The following RDX variants were observed in gnomAD, a reference collection of about 807,000 sequenced individuals.
RDX encodes the protein deafness, autosomal recessive 24.
RDX carries 32 observed loss-of-function variants against 83.7 expected under a neutral mutation model. The ratio of observed to expected loss-of-function variants is 0.38; its 90% CI spans 0.29 to 0.51. The LOEUF (loss-of-function observed/expected upper bound fraction) is 0.51, where lower values mean the gene tolerates loss of function less well. Ranked by LOEUF, RDX falls within the 20% of genes least tolerant of loss-of-function variation. The pLI is 0.87. For synonymous variants in RDX, 229 were observed against 222.7 expected, an observed-to-expected ratio of 1.03 and a Z score of -0.25; for missense variants, 600 against 689.9, an observed-to-expected ratio of 0.87 and a Z score of 1.46.
intron 15 of RDX, among the ~76,000 whole-genome samples, chr11:110,177,568 T>A (rs1481649412): frequency 6.6e-6 from 1 of 152,144 alleles, no homozygotes; most frequent in East Asian, 1.9e-4. Context: ...TAGATCTCAC[T>A]TTCATCACCT....
intron 3 of RDX, among the ~76,000 whole-genome samples, chr11:110,270,539 A>G (rs1860261134): frequency 2.0e-5 from 3 of 152,230 alleles, no homozygotes; most frequent in Admixed American, 2.0e-4. Flanking sequence ...ATACTGTTCT[A>G]CGCACTTTAC....
intron 1 of RDX, among the ~76,000 whole-genome samples, chr11:110,293,124 A>G (rs756314729): frequency 6.6e-6 from 1 of 152,256 alleles, no homozygotes; most frequent in Non-Finnish European, 1.5e-5. Flanking sequence ...CAAGTTAATA[A>G]GCATCCTTTC....
intron 14 of RDX, among the ~76,000 whole-genome samples, chr11:110,213,042 A>G (rs1863899534): frequency 6.7e-6 from 1 of 149,944 alleles, no homozygotes; most frequent in South Asian, 2.1e-4. Flanking sequence ...GAGGAAGTCA[A>G]ATTGTCCCTG....
chr11:110,211,183 C>T (rs1863822625), intron 14 of RDX, among the ~76,000 whole-genome samples: 1 of 152,152 alleles, frequency 6.6e-6, no homozygotes, highest in Non-Finnish European at 1.5e-5. Flanking sequence ...GCAGGGGTTG[C>T]AATCCTAGTC....
rs527519791 is a variant in RDX, at chr11:110,201,490, G to A, written c.1749-1812C>T. 4.6e-5 allele frequency among the ~76,000 whole-genome samples: 7 copies of A among 152,228 alleles called. No individual in the cohort carries two copies. In the East Asian group the frequency reaches 9.7e-4, roughly 21 times the overall value. On this transcript the variant is annotated intron_variant, in intron 14 of 15. Transcript: ENST00000528498. Reference sequence around the variant, plus strand: ...AACAGGGAAAGAAAGGTGAAGAGACGTCAGAAATTTCCAAGCTTTGCCACC... The same window carrying A: ...AACAGGGAAAGAAAGGTGAAGAGACATCAGAAATTTCCAAGCTTTGCCACC...
intron 1 of RDX, among the ~76,000 whole-genome samples, chr11:110,295,642 GAAAAA>G (rs370760081): frequency 8.2e-6 from 1 of 122,256 alleles, no homozygotes; most frequent in Admixed American, 8.3e-5. Context: ...TGTTTAAACT[GAAAAA>G]AAAAAAAAAA....
At chr11:110,286,720 A>T (rs187122152) in intron 1 of RDX, among the ~76,000 whole-genome samples, 1 of 152,356 alleles carries the variant, frequency 6.6e-6, no homozygotes, top group Non-Finnish European at 1.5e-5. Context: ...AAATATTCCA[A>T]GAGAACTCAT....
chr11:110,295,824 G>A (rs1435878103), intron 1 of RDX, among the ~76,000 whole-genome samples: 1 of 152,234 alleles, frequency 6.6e-6, no homozygotes, highest in African/African-American at 2.4e-5. Flanking sequence ...AGCTGCAACA[G>A]CAGCAGGTAG....
intron 15 of RDX, chr11:110,180,010 T>A (rs759840972): frequency 2.1e-5 from 7 of 332,276 alleles, no homozygotes; most frequent in Non-Finnish European, 3.5e-5. Flanking sequence ...CAAGCGATTC[T>A]CCTGCCTCAG....
Position 110,247,781 on chromosome 11 carries a change from C to A in RDX, c.1012G>T (p.Glu338Ter). Reference sequence around the variant, plus strand: ...TCTTCCTTTTCACGTTCTATTCTTTCCTTTTCCTTTTCTGCTATTTCTCTT... The same window carrying A: ...TCTTCCTTTTCACGTTCTATTCTTTACTTTTCCTTTTCTGCTATTTCTCTT... ...KKREIAEKEK[E>*]RIEREKEELM... The change falls in exon 10 of 14, where the codon GAA (glutamate) becomes TAA (stop). Residue 338 changes from glutamate to a stop codon, truncating the protein, a stop_gained. Coordinates refer to ENST00000645495, the MANE Select transcript of RDX (RefSeq NM_002906.4). LOFTEE classifies it high-confidence loss of function. 1 of 1,602,018 alleles carries A rather than the reference C, an allele frequency of 6.2e-7. No individual in the cohort carries two copies. The highest frequency in any genetic ancestry group is 8.5e-7 in the Non-Finnish European group (1 of 1,173,670).
chr11:110,252,863 C>T lies in RDX; in HGVS notation c.959+1083G>A, dbSNP rs115030075. On this transcript the variant is annotated intron_variant, in intron 9 of 13. Coordinates refer to ENST00000645495, the MANE Select transcript of RDX (RefSeq NM_002906.4). ...CCCTGATTGTCTTCAAACTCCTGTACTCAAGCAATCCTCCTGCCTCAGCCT... is the reference window on the plus strand; with the variant it reads ...CCCTGATTGTCTTCAAACTCCTGTATTCAAGCAATCCTCCTGCCTCAGCCT... 9.3e-3 allele frequency among the ~76,000 whole-genome samples: 1,409 copies of T among 152,202 alleles called. 28 individuals carry two copies. The highest frequency in any genetic ancestry group is 0.031 in the African/African-American group (1,283 of 41,532).
At chr11:110,180,220 G>C (rs1488733230) in intron 15 of RDX, among the ~76,000 whole-genome samples, 4 of 152,102 alleles carry the variant, frequency 2.6e-5, no homozygotes, top group Admixed American at 2.6e-4. Context: ...TGTTCTTTAA[G>C]AAAGCTATTG....
At chr11:110,225,717 T>TG (rs1419492894), downstream of RDX, among the ~76,000 whole-genome samples, 1 of 152,132 alleles carries the variant, frequency 6.6e-6, no homozygotes, top group African/African-American at 2.4e-5. Flanking sequence ...AAAATGGTGC[T>TG]GCTGCTGTGG....
At chr11:110,237,128 ATATAAC>A (rs1262962976) in intron 11 of RDX, among the ~76,000 whole-genome samples, 1 of 149,338 alleles carries the variant, frequency 6.7e-6, no homozygotes, top group Admixed American at 6.7e-5. Flanking sequence ...ATAATATATT[ATATAAC>A]TATAACATAT....
chr11:110,220,655 C>T (rs554681664), intron 14 of RDX, among the ~76,000 whole-genome samples: 100 of 152,238 alleles, frequency 6.6e-4, no homozygotes, highest in African/African-American at 2.3e-3. Flanking sequence ...GCTGCCACCA[C>T]ATTTGGCTAA....
At chr11:110,200,373 T>C (rs1031432280) in intron 14 of RDX, 2 of 152,306 alleles carry the variant, frequency 1.3e-5, no homozygotes, top group African/African-American at 4.8e-5. Context: ...CACCTGCCAT[T>C]CTCCGATATA....
intron 12 of RDX, 117 bp from the exon 13 acceptor site, chr11:110,233,596 ATTTAT>A: frequency 9.4e-7 from 1 of 1,066,800 alleles, no homozygotes; most frequent in Non-Finnish European, 1.4e-6. Flanking sequence ...AATAGGCCCT[ATTTAT>A]GAAACCTCTA....
intron 3 of RDX, among the ~76,000 whole-genome samples, chr11:110,267,334 G>A (rs1415436330): frequency 6.6e-6 from 1 of 152,074 alleles, no homozygotes; most frequent in Non-Finnish European, 1.5e-5. Context: ...TCAACATGGT[G>A]AAACCCCATC....
chr11:110,203,276 GTA>G (rs1469526416), intron 14 of RDX, among the ~76,000 whole-genome samples: 1 of 152,022 alleles, frequency 6.6e-6, no homozygotes, highest in African/African-American at 2.4e-5. Flanking sequence ...GACAAAAATT[GTA>G]TGTTCTCACT....
Sources: allele counts gnomAD v4.1 joint callset (sites outside exome capture counted in the v4.1 genomes callset), GRCh38; gene constraint gnomAD v4.1.1; transcripts MANE v1.5; gene names NCBI Gene and HGNC (gene_info 2026-07-23, HGNC 2026-07-21).